The following TNNI3K variants were observed in gnomAD, a reference collection of about 807,000 sequenced individuals.
The protein encoded by TNNI3K is TNNI3 interacting kinase.
Under a neutral mutation model 114.5 loss-of-function variants are expected in TNNI3K, and 140 were observed. That is an observed-to-expected ratio of 1.22 (90% confidence interval 1.07 to 1.41). TNNI3K has a LOEUF of 1.41. Among genes scored for constraint, TNNI3K ranks in the 40% most tolerant of loss-of-function variants. TNNI3K has a pLI of 0.00. For synonymous variants in TNNI3K, 347 were observed against 347.5 expected (o/e 1.00, Z 0.02); for missense variants, 1,125 against 1,007.6 (o/e 1.12, Z -1.58).
chr1:74,378,675 A>G (rs1417016194), intron 17 of TNNI3K: 3 of 136,696 alleles, frequency 2.2e-5, no homozygotes, highest in African/African-American at 8.2e-5. Context: ...CCCCAAGGGC[A>G]TTTACACAAT....
intron 5 of TNNI3K, among the ~76,000 whole-genome samples, chr1:74,293,914 T>A (rs579214): frequency 0.99 from 150,399 of 151,768 alleles, 74,540 homozygotes; most frequent in Middle Eastern, 1. Flanking sequence ...TAACATTAAA[T>A]TGTTATCAAA....
intron 17 of TNNI3K, among the ~76,000 whole-genome samples, chr1:74,380,394 A>T (rs887888804): frequency 6.6e-6 from 1 of 152,158 alleles, no homozygotes; most frequent in South Asian, 2.1e-4. Flanking sequence ...TTCACTCTGC[A>T]GCCTCTTTCC....
chr1:74,263,800 TA>T (rs2100876691), intron 4 of TNNI3K, among the ~76,000 whole-genome samples: 1 of 152,098 alleles, frequency 6.6e-6, no homozygotes, highest in South Asian at 2.1e-4. Context: ...TAAATAAACA[TA>T]AAAGTTCAGA....
chr1:74,337,748 A>G (rs956209956), intron 7 of TNNI3K, among the ~76,000 whole-genome samples: 2 of 152,050 alleles, frequency 1.3e-5, no homozygotes, highest in Non-Finnish European at 2.9e-5. Flanking sequence ...TTACCACCAA[A>G]GGTAATTAAT....
At position 74,543,915 on chromosome 1, in the gene TNNI3K, C is replaced by A; in HGVS notation, c.2441C>A (p.Ser814Tyr). The A allele has an allele frequency of 6.2e-7, 1 of 1,613,452 alleles. No homozygotes were observed. The highest frequency in any genetic ancestry group is 8.5e-7 in the Non-Finnish European group (1 of 1,179,750). ...TTCTTTTCTGATGCAGGCTATGTAT[C>A]CGATCCCATGAGCTCAATGCATTTT... ...YTPIDKYGYV[S>Y]DPMSSMHFHS... Residue 814 changes from serine to tyrosine, a missense_variant, in exon 25 of 25, where the codon TCC (serine) becomes TAC (tyrosine). Ser to Tyr is a moderately radical substitution (Grantham distance 144). Transcript: ENST00000326637.
In TNNI3K at chr1:74,235,465, A is replaced by C; in HGVS notation, c.14A>C (p.Lys5Thr). The change falls in exon 1 of 25, where the codon AAA becomes ACA. Residue 5 changes from lysine to threonine, a missense_variant. Transcript: ENST00000326637. MGNY[K>T]SRPTQTCTDE... ...AACTTATAATAAATGGGAAATTATAAATCTAGACCAACCCAAACTTGTACT... is the reference window on the plus strand; with the variant it reads ...AACTTATAATAAATGGGAAATTATACATCTAGACCAACCCAAACTTGTACT... 1 of 1,516,818 alleles carries C rather than the reference A, an allele frequency of 6.6e-7. No homozygotes were observed. Among genetic ancestry groups the C allele is most frequent in the Non-Finnish European group, 9.0e-7 (1 of 1,108,008 alleles). The allele number at this position is 1,516,818 out of a possible 1,614,324, so 94.0% of individuals were successfully genotyped here. A position where few individuals can be genotyped will look rare whatever the true frequency, so the allele number is the denominator to read the frequency against.
rs148375484 is a variant in TNNI3K at position 74,462,572 on chromosome 1, C to A, written c.2012-869C>A. On this transcript the variant is annotated intron_variant, in intron 20 of 24. Coordinates refer to ENST00000326637, the MANE Select transcript of TNNI3K (RefSeq NM_015978.3). ...TTATAAATTAAAAACTAGCTCCACA[C>A]ATAACAACAACAACAACACCTACTT... 8.1e-3 allele frequency among the ~76,000 whole-genome samples: 1,227 copies of A among 152,304 alleles called. 17 individuals are homozygous for A. Among genetic ancestry groups the A allele is most frequent in the African/African-American group, 0.028 (1,168 of 41,544 alleles).
chr1:74,283,799 A>C (rs149010734), intron 5 of TNNI3K, among the ~76,000 whole-genome samples: 79 of 152,318 alleles, frequency 5.2e-4, no homozygotes, highest in African/African-American at 1.9e-3. Flanking sequence ...ATTTTTATAT[A>C]TACATAGAAA....
chr1:74,302,948 A>G (rs776265647), intron 5 of TNNI3K, among the ~76,000 whole-genome samples: 3 of 152,220 alleles, frequency 2.0e-5, no homozygotes, highest in Non-Finnish European at 2.9e-5. Flanking sequence ...GATGCCATCC[A>G]GGACTTTCAG....
chr1:74,496,584 T>A (rs891567354), intron 23 of TNNI3K, among the ~76,000 whole-genome samples: 1 of 152,094 alleles, frequency 6.6e-6, no homozygotes, highest in Non-Finnish European at 1.5e-5. Context: ...TTTATGGGGT[T>A]TTTGGTTGTT....
intron 17 of TNNI3K, among the ~76,000 whole-genome samples, chr1:74,422,791 C>A (rs565422745): frequency 6.6e-6 from 1 of 152,086 alleles, no homozygotes; most frequent in African/African-American, 2.4e-5. Flanking sequence ...TCTTTAGGAA[C>A]AAAATGTTCT....
chr1:74,540,812 T>C (rs1007237463), intron 24 of TNNI3K, among the ~76,000 whole-genome samples: 11 of 152,126 alleles, frequency 7.2e-5, no homozygotes, highest in African/African-American at 2.7e-4. Context: ...AATCCAGCCA[T>C]TCCTTCAAAC....
chr1:74,276,358 C>T (rs548490219), intron 5 of TNNI3K, among the ~76,000 whole-genome samples: 247 of 151,992 alleles, frequency 1.6e-3, no homozygotes, highest in African/African-American at 5.5e-3. Context: ...AGAATCTCCC[C>T]GGAGACTTAA....
At chr1:74,526,165 A>T (rs1269165022) in intron 23 of TNNI3K, among the ~76,000 whole-genome samples, 1 of 152,252 alleles carries the variant, frequency 6.6e-6, no homozygotes, top group Admixed American at 6.5e-5. Flanking sequence ...AAACCTTCCC[A>T]TGCAGACTGG....
intron 23 of TNNI3K, among the ~76,000 whole-genome samples, chr1:74,511,255 C>T (rs1252030499): frequency 1.3e-5 from 2 of 151,330 alleles, no homozygotes; most frequent in South Asian, 4.2e-4. Flanking sequence ...TGCAATGGTG[C>T]GATCTCGGCT....
intron 2 of TNNI3K, among the ~76,000 whole-genome samples, chr1:74,238,088 A>G (rs772027283): frequency 6.6e-6 from 1 of 152,048 alleles, no homozygotes; most frequent in South Asian, 2.1e-4. Flanking sequence ...CATTGTAGAT[A>G]AAAAGCATAG....
intron 5 of TNNI3K, among the ~76,000 whole-genome samples, chr1:74,297,457 G>A (rs1177414570): frequency 6.6e-6 from 1 of 151,816 alleles, no homozygotes; most frequent in Admixed American, 6.6e-5. Flanking sequence ...GCCATGTGAG[G>A]AAACCAGGAT....
chr1:74,541,153 G>C (rs1033662578), intron 24 of TNNI3K, among the ~76,000 whole-genome samples: 1 of 152,136 alleles, frequency 6.6e-6, no homozygotes, highest in African/African-American at 2.4e-5. Flanking sequence ...ATAAGAGCTG[G>C]GTTTGGGAAA....
intron 19 of TNNI3K, 81 bp downstream of exon 19, chr1:74,436,607 C>G: frequency 1.4e-6 from 2 of 1,424,458 alleles, no homozygotes; most frequent in South Asian, 1.4e-5. Flanking sequence ...AAGATGAGAG[C>G]AGTTTTAATT....
Sources: gnomAD v4.1 joint callset for allele counts (sites outside exome capture counted in the v4.1 genomes callset) on GRCh38, gnomAD v4.1.1 for gene constraint, MANE v1.5 for transcripts, NCBI Gene and HGNC (gene_info 2026-07-23, HGNC 2026-07-21) for gene names.